Variants in MAF observed in about 807,000 individuals in gnomAD.
MAF encodes transcription factor Maf.
MAF carries 10 observed loss-of-function variants against 22.0 expected under a neutral mutation model. The observed-to-expected ratio is 0.45, with a 90% CI of 0.28 to 0.77. The LOEUF is 0.77. Among genes scored for constraint, MAF ranks in the 30% least tolerant of loss-of-function variants. MAF has a pLI of 0.12. For synonymous variants in MAF, 337 were observed against 255.8 expected (o/e 1.32, Z -3.03); for missense variants, 544 against 548.4 (o/e 0.99, Z 0.08).
chr16:79,521,148 C>T, the MAF span, among the ~76,000 whole-genome samples: 1 of 152,200 alleles, frequency 6.6e-6, no homozygotes, highest in Non-Finnish European at 1.5e-5. Flanking sequence ...GCAAGGAGCA[C>T]AGGCAGTTAA....
the MAF span, chr16:79,212,338 G>A: frequency 2.9e-6 from 2 of 683,796 alleles, no homozygotes; most frequent in East Asian, 5.6e-5. Flanking sequence ...CCCAGCCAGT[G>A]AGGATGACAG....
the MAF span, among the ~76,000 whole-genome samples, chr16:79,473,469 T>C: frequency 4.6e-5 from 7 of 152,214 alleles, no homozygotes; most frequent in Admixed American, 6.5e-5. Flanking sequence ...CAAGCGGATG[T>C]TGCCCTTTGC....
the MAF span, among the ~76,000 whole-genome samples, chr16:79,441,566 G>A: frequency 4.6e-5 from 7 of 152,076 alleles, no homozygotes; most frequent in Non-Finnish European, 8.8e-5. Flanking sequence ...CATTTTTACA[G>A]ATCAAAAAAT....
chr16:79,452,482 C>T, the MAF span, among the ~76,000 whole-genome samples: 1 of 152,076 alleles, frequency 6.6e-6, no homozygotes, highest in Non-Finnish European at 1.5e-5. Context: ...TGTGTGCATG[C>T]AAATACAATA....
chr16:79,458,993 T>C, the MAF span, among the ~76,000 whole-genome samples: 1 of 152,146 alleles, frequency 6.6e-6, no homozygotes, highest in Non-Finnish European at 1.5e-5. Context: ...CTTTCCCAGA[T>C]TTCCTGGGAA....
At chr16:79,437,630 G>C in the MAF span, among the ~76,000 whole-genome samples, 1 of 152,002 alleles carries the variant, frequency 6.6e-6, no homozygotes, top group Admixed American at 6.5e-5. Flanking sequence ...GGACACCTCC[G>C]AGAGCTCATG....
chr16:79,405,858 C>A, the MAF span, among the ~76,000 whole-genome samples: 1 of 152,088 alleles, frequency 6.6e-6, no homozygotes, highest in Non-Finnish European at 1.5e-5. Flanking sequence ...CAGATGCCAC[C>A]CGTCAACCAT....
chr16:79,217,672 TTCC>T, the MAF span, among the ~76,000 whole-genome samples: 1 of 152,162 alleles, frequency 6.6e-6, no homozygotes, highest in African/African-American at 2.4e-5. Context: ...AGTCGTTTTC[TTCC>T]AAGTCCCTCT....
At chr16:79,531,245 G>T in the MAF span, among the ~76,000 whole-genome samples, 1 of 152,090 alleles carries the variant, frequency 6.6e-6, no homozygotes, top group Non-Finnish European at 1.5e-5. Flanking sequence ...TAAAAGAAAG[G>T]CAGTGGAGTT....
the MAF span, among the ~76,000 whole-genome samples, chr16:79,263,580 T>G: frequency 6.6e-5 from 10 of 152,240 alleles, no homozygotes; most frequent in Non-Finnish European, 1.0e-4. Flanking sequence ...CTCTTTCCTC[T>G]TCTTCCGTTT....
the MAF span, among the ~76,000 whole-genome samples, chr16:79,520,427 G>T: frequency 6.6e-6 from 1 of 152,098 alleles, no homozygotes; most frequent in Non-Finnish European, 1.5e-5. Context: ...GGGCTCTCGT[G>T]GTCCTAACCT....
chr16:79,482,242 A>C, the MAF span, among the ~76,000 whole-genome samples: 1 of 152,176 alleles, frequency 6.6e-6, no homozygotes, highest in Non-Finnish European at 1.5e-5. Context: ...ATTTCCCTCA[A>C]AACATTCTTG....
At chr16:79,416,679 G>C in the MAF span, among the ~76,000 whole-genome samples, 1 of 152,134 alleles carries the variant, frequency 6.6e-6, no homozygotes, top group Non-Finnish European at 1.5e-5. Context: ...TGCTCCGAAT[G>C]GTCAGTTAGC....
the MAF span, among the ~76,000 whole-genome samples, chr16:79,242,366 C>CAAA: frequency 1.3e-3 from 128 of 97,100 alleles, 1 homozygote; most frequent in Middle Eastern, 5.0e-3. Flanking sequence ...AAATGGGAAG[C>CAAA]AAAAAAAAAA....
At chr16:79,351,477 G>A in the MAF span, among the ~76,000 whole-genome samples, 1 of 152,098 alleles carries the variant, frequency 6.6e-6, no homozygotes, top group African/African-American at 2.4e-5. Flanking sequence ...TAGTGGCAGG[G>A]TGCTACAAAC....
At chr16:79,301,410 A>G in the MAF span, among the ~76,000 whole-genome samples, 2 of 152,058 alleles carry the variant, frequency 1.3e-5, no homozygotes, top group Non-Finnish European at 2.9e-5. Context: ...ATACAACTTA[A>G]GGAAGTGCAT....
chr16:79,288,591 C>G, the MAF span, among the ~76,000 whole-genome samples: 2 of 152,058 alleles, frequency 1.3e-5, no homozygotes, highest in Admixed American at 1.3e-4. Context: ...TTATTTTAAA[C>G]CATTAAGTTT....
chr16:79,448,693 G>C, the MAF span, among the ~76,000 whole-genome samples: 1 of 151,872 alleles, frequency 6.6e-6, no homozygotes, highest in Non-Finnish European at 1.5e-5. Flanking sequence ...CCAAAGTGCT[G>C]GGATTACAGG....
the MAF span, among the ~76,000 whole-genome samples, chr16:79,349,553 G>A: frequency 3.3e-5 from 5 of 152,180 alleles, no homozygotes; most frequent in African/African-American, 9.7e-5. Context: ...GCAGACACCA[G>A]ACTGACCTGG....
Sources: allele counts gnomAD v4.1 joint callset (sites outside exome capture counted in the v4.1 genomes callset), GRCh38; gene constraint gnomAD v4.1.1; transcripts MANE v1.5; gene names NCBI Gene and HGNC (gene_info 2026-07-23, HGNC 2026-07-21).